The following CA10 variants were observed in gnomAD, a reference collection of about 807,000 sequenced individuals.
CA10 encodes carbonic anhydrase 10 (inactive).
In CA10, 14 loss-of-function variants were observed where a neutral mutation model predicts 44.2. That is an observed-to-expected ratio of 0.32 (90% CI 0.21 to 0.50). The LOEUF is 0.50. CA10 is among the 20% of genes least tolerant of loss of function. CA10 has a pLI of 0.99. For synonymous variants in CA10, 159 were observed against 141.6 expected (o/e 1.12, Z -0.87); for missense variants, 350 against 409.7 (o/e 0.85, Z 1.26).
intron 2 of CA10, among the ~76,000 whole-genome samples, chr17:51,980,412 A>G (rs1343313762): frequency 6.6e-6 from 1 of 151,970 alleles, no homozygotes; most frequent in Non-Finnish European, 1.5e-5. Flanking sequence ...CCTTATATAT[A>G]TTGGGTATTA....
intron 2 of CA10, among the ~76,000 whole-genome samples, chr17:51,993,218 C>T (rs1985106988): frequency 6.6e-6 from 1 of 152,062 alleles, no homozygotes; most frequent in Non-Finnish European, 1.5e-5. Flanking sequence ...CACATTAATC[C>T]AAGCTCCTGT....
intron 3 of CA10, among the ~76,000 whole-genome samples, chr17:51,874,205 A>C (rs1479169236): frequency 6.6e-6 from 1 of 152,148 alleles, no homozygotes; most frequent in Non-Finnish European, 1.5e-5. Flanking sequence ...AGGATACCAA[A>C]CAATATTACA....
chr17:51,840,147 G>A (rs1978307099), intron 3 of CA10, among the ~76,000 whole-genome samples: 1 of 152,206 alleles, frequency 6.6e-6, no homozygotes, highest in Non-Finnish European at 1.5e-5. Context: ...ACCTGGGAAA[G>A]TGGATAATGA....
chr17:52,103,385 G>T (rs1383108084), intron 1 of CA10, among the ~76,000 whole-genome samples: 1 of 152,152 alleles, frequency 6.6e-6, no homozygotes, highest in Admixed American at 6.5e-5. Flanking sequence ...GACTTCTAAG[G>T]CCAGAGAGGC....
At chr17:52,000,056 G>C (rs1985369669) in intron 2 of CA10, among the ~76,000 whole-genome samples, 1 of 152,036 alleles carries the variant, frequency 6.6e-6, no homozygotes, top group Admixed American at 6.6e-5. Flanking sequence ...ATTGTGCTAA[G>C]GGTTTTTTCT....
chr17:51,887,486 T>C (rs1375523784), intron 3 of CA10, among the ~76,000 whole-genome samples: 1 of 151,994 alleles, frequency 6.6e-6, no homozygotes, highest in African/African-American at 2.4e-5. Context: ...AGATACAGAG[T>C]TATATTATGG....
chr17:51,649,313 C>G, intron 5 of CA10, 59 bp from the exon 6 acceptor site: 1 of 1,196,256 alleles, frequency 8.4e-7, no homozygotes, highest in Non-Finnish European at 1.2e-6. Flanking sequence ...CAAACATCTC[C>G]CCGTGACATT....
chr17:51,861,256 C>T (rs1979290736), intron 3 of CA10, among the ~76,000 whole-genome samples: 1 of 152,140 alleles, frequency 6.6e-6, no homozygotes, highest in South Asian at 2.1e-4. Flanking sequence ...CTTTTTCATT[C>T]TGGCAGCAGC....
intron 4 of CA10, among the ~76,000 whole-genome samples, chr17:51,734,376 C>G (rs991382652): frequency 6.6e-6 from 1 of 152,084 alleles, no homozygotes; most frequent in African/African-American, 2.4e-5. Context: ...GAAAAGAGAT[C>G]TAGAGAGATT....
intron 2 of CA10, among the ~76,000 whole-genome samples, chr17:52,031,236 G>T (rs1363010480): frequency 6.7e-6 from 1 of 149,892 alleles, no homozygotes; most frequent in Admixed American, 6.7e-5. Flanking sequence ...TGCTACCTCC[G>T]CCTCCTGGGT....
chr17:51,760,670 G>A (rs779638702), intron 3 of CA10, among the ~76,000 whole-genome samples: 2 of 152,184 alleles, frequency 1.3e-5, no homozygotes, highest in Non-Finnish European at 2.9e-5. Context: ...AAAATGAAAT[G>A]AAAGACTCTG....
intron 2 of CA10, among the ~76,000 whole-genome samples, chr17:51,984,535 A>G (rs922057088): frequency 6.6e-6 from 1 of 151,870 alleles, no homozygotes; most frequent in Non-Finnish European, 1.5e-5. Flanking sequence ...CATAGAAACA[A>G]ACAGACAAAA....
chr17:51,790,097 A>T (rs987998133), intron 3 of CA10, among the ~76,000 whole-genome samples: 3 of 152,166 alleles, frequency 2.0e-5, no homozygotes, highest in African/African-American at 7.2e-5. Flanking sequence ...GCCATCGTGC[A>T]TCAGATGCTT....
intron 3 of CA10, among the ~76,000 whole-genome samples, chr17:51,908,945 G>A (rs564140932): frequency 1.4e-4 from 21 of 152,150 alleles, no homozygotes; most frequent in Non-Finnish European, 2.9e-4. Flanking sequence ...AGTAAAATAG[G>A]CCACTCTCAC....
intron 3 of CA10, among the ~76,000 whole-genome samples, chr17:51,814,960 G>A (rs766466778): frequency 6.6e-6 from 1 of 152,114 alleles, no homozygotes; most frequent in Non-Finnish European, 1.5e-5. Context: ...GTACAGGGGT[G>A]GGAGTTCAGG....
At chr17:52,080,269 G>A (rs935372705) in intron 1 of CA10, among the ~76,000 whole-genome samples, 15 of 151,998 alleles carry the variant, frequency 9.9e-5, no homozygotes, top group African/African-American at 3.6e-4. Context: ...TGGTTAACAC[G>A]GCAAAACCCC....
chr17:52,112,484 CA>C (rs1988807309), intron 1 of CA10, among the ~76,000 whole-genome samples: 7 of 152,134 alleles, frequency 4.6e-5, no homozygotes, highest in Admixed American at 4.6e-4. Flanking sequence ...GCCACAATGC[CA>C]AAAAATAGTT....
chr17:51,944,365 C>T (rs1983195358), intron 2 of CA10, among the ~76,000 whole-genome samples: 1 of 152,144 alleles, frequency 6.6e-6, no homozygotes, highest in East Asian at 1.9e-4. Context: ...AGCAACCAGA[C>T]CCTGCCCCTC....
At chr17:51,925,974 A>G (rs918778011) in intron 3 of CA10, among the ~76,000 whole-genome samples, 1 of 152,114 alleles carries the variant, frequency 6.6e-6, no homozygotes, top group Non-Finnish European at 1.5e-5. Flanking sequence ...CTGGGTACAG[A>G]GTTTCAAGTT....
Sources: allele counts gnomAD v4.1 joint callset (sites outside exome capture counted in the v4.1 genomes callset), GRCh38; gene constraint gnomAD v4.1.1; transcripts MANE v1.5; gene names NCBI Gene and HGNC (gene_info 2026-07-23, HGNC 2026-07-21).